The following CRB1 variants were observed in gnomAD, a reference collection of about 807,000 sequenced individuals.
CRB1 encodes crumbs cell polarity complex component 1, also known as protein crumbs homolog 1.
A neutral mutation model predicts 120.0 loss-of-function variants in CRB1; 83 were observed. The observed-to-expected ratio is 0.69, with a 90% CI of 0.58 to 0.83. The LOEUF is 0.83. Among genes scored for constraint, CRB1 ranks in the 40% least tolerant of loss-of-function variants. CRB1 has a pLI of 0.00. For missense variants in CRB1, 1,699 were observed against 1,687.6 expected (o/e 1.01, Z -0.12); for synonymous variants, 625 against 612.5 (o/e 1.02, Z -0.30).
chr1:197,407,325 T>C (rs1440441535), intron 5 of CRB1, among the ~76,000 whole-genome samples: 1 of 152,174 alleles, frequency 6.6e-6, no homozygotes, highest in African/African-American at 2.4e-5. Context: ...CAAATAGAAG[T>C]TTTAAAGAAA....
chr1:197,299,999 T>A (rs950118363), intron 1 of CRB1, among the ~76,000 whole-genome samples: 1 of 151,944 alleles, frequency 6.6e-6, no homozygotes, highest in African/African-American at 2.4e-5. Flanking sequence ...GATGTTCCTA[T>A]TGTAATTGTT....
At chr1:197,241,611 G>A in the CRB1 span, among the ~76,000 whole-genome samples, 3 of 151,952 alleles carry the variant, frequency 2.0e-5, no homozygotes, top group African/African-American at 2.4e-5. Context: ...TAGGCTTGTA[G>A]TATAGTTTGA....
At chr1:197,261,928 A>G in the CRB1 span, among the ~76,000 whole-genome samples, 1 of 152,216 alleles carries the variant, frequency 6.6e-6, no homozygotes, top group Non-Finnish European at 1.5e-5. Context: ...TAATGTGCAT[A>G]AAATAATCTA....
the CRB1 span, among the ~76,000 whole-genome samples, chr1:197,228,912 G>C: frequency 6.6e-6 from 1 of 152,130 alleles, no homozygotes; most frequent in African/African-American, 2.4e-5. Flanking sequence ...GTGCAAAAGC[G>C]GAAACCCCTG....
intron 1 of CRB1, among the ~76,000 whole-genome samples, chr1:197,293,359 C>A (rs1022219601): frequency 6.6e-6 from 1 of 151,884 alleles, no homozygotes; most frequent in Non-Finnish European, 1.5e-5. Context: ...TTACAAAGGA[C>A]GTGAAGGACC....
the CRB1 span, among the ~76,000 whole-genome samples, chr1:197,203,069 A>G: frequency 6.6e-6 from 1 of 152,142 alleles, no homozygotes; most frequent in African/African-American, 2.4e-5. Flanking sequence ...AGCATTTAAA[A>G]ATAAACGTGT....
chr1:197,341,390 A>T (rs1161189023), intron 2 of CRB1, among the ~76,000 whole-genome samples: 1 of 152,122 alleles, frequency 6.6e-6, no homozygotes, highest in East Asian at 1.9e-4. Context: ...AAAAAATACA[A>T]AAATTAGCCA....
At chr1:197,212,122 A>G in the CRB1 span, among the ~76,000 whole-genome samples, 8 of 152,198 alleles carry the variant, frequency 5.3e-5, no homozygotes, top group Admixed American at 5.2e-4. Flanking sequence ...AAAGACAAAC[A>G]ATATCAAGTG....
intron 1 of CRB1, among the ~76,000 whole-genome samples, chr1:197,312,774 T>A (rs2125275566): frequency 6.6e-6 from 1 of 152,244 alleles, no homozygotes; most frequent in East Asian, 1.9e-4. Flanking sequence ...ATATATCAAC[T>A]GCATTAATCC....
the CRB1 span, among the ~76,000 whole-genome samples, chr1:197,239,289 A>G: frequency 9.2e-5 from 14 of 152,192 alleles, no homozygotes; most frequent in South Asian, 2.7e-3. Context: ...TAATATTTGT[A>G]TCAAATTTTG....
intron 5 of CRB1, among the ~76,000 whole-genome samples, chr1:197,384,196 T>C (rs1265772285): frequency 6.6e-6 from 1 of 152,166 alleles, no homozygotes; most frequent in East Asian, 1.9e-4. Flanking sequence ...ACCATTCTCA[T>C]CATCCCAAAT....
intron 5 of CRB1, among the ~76,000 whole-genome samples, chr1:197,379,632 A>G (rs993933467): frequency 2.1e-4 from 29 of 138,832 alleles, no homozygotes; most frequent in African/African-American, 7.4e-4. Context: ...AAAAAAAACC[A>G]TTTTTCTAGC....
chr1:197,230,489 A>G, the CRB1 span, among the ~76,000 whole-genome samples: 1 of 152,160 alleles, frequency 6.6e-6, no homozygotes, highest in Admixed American at 6.5e-5. Context: ...CACCATGTAT[A>G]GGTCTTAAGA....
At position 197,421,445 on chromosome 1, in the gene CRB1, T is replaced by C; in HGVS notation, c.1617T>C (p.Ser539=). ...TGTTTGTGAAGCTGGAGCTGCTAAG[T>C]GGCTACATTCACTTATCAATTCAGG... ...RDVFVKLELL[S]GYIHLSIQVN... Residue 539 remains serine (S), a synonymous_variant, in exon 6 of 12, where the codon AGT becomes AGC. Coordinates refer to ENST00000367400, the MANE Select transcript of CRB1 (RefSeq NM_201253.3). 1.2e-6 allele frequency: 2 copies of C among 1,614,228 alleles called. No homozygotes were observed. Among genetic ancestry groups the C allele is most frequent in the Non-Finnish European group, 1.7e-6 (2 of 1,180,050 alleles).
In CRB1 at chr1:197,388,510, C is replaced by T. The variant is rs1662334667; in HGVS notation, c.1171+31497C>T. Among the ~76,000 whole-genome samples the T allele has an allele frequency of 2.6e-5, 4 of 152,166 alleles. No individual in the cohort carries two copies. In the South Asian group the frequency reaches 8.3e-4, roughly 32 times the overall value. On this transcript the variant is annotated intron_variant, in intron 5 of 11. Transcript: ENST00000367400. Reference sequence around the variant, plus strand: ...CTGGTCCAATGAAATAGAGCCACAGCACTTTTATTTAAATCTCTATTTCTC... The same window carrying T: ...CTGGTCCAATGAAATAGAGCCACAGTACTTTTATTTAAATCTCTATTTCTC...
intron 11 of CRB1, among the ~76,000 whole-genome samples, chr1:197,446,970 G>T (rs889771625): frequency 6.6e-6 from 1 of 152,144 alleles, no homozygotes; most frequent in African/African-American, 2.4e-5. Context: ...TCTATTGAGT[G>T]TTATATTCCA....
At chr1:197,245,959 C>T in the CRB1 span, among the ~76,000 whole-genome samples, 62 of 152,174 alleles carry the variant, frequency 4.1e-4, no homozygotes, top group South Asian at 0.012. Context: ...TCCTCACTGA[C>T]GTTGGTTGGG....
chr1:197,262,928 G>A, the CRB1 span, among the ~76,000 whole-genome samples: 1,783 of 152,124 alleles, frequency 0.012, 29 homozygotes, highest in Non-Finnish European at 0.017. Context: ...CCAATCCATC[G>A]TTGATGGGAC....
the CRB1 span, among the ~76,000 whole-genome samples, chr1:197,218,415 A>ATGAGTATGG: frequency 6.6e-6 from 1 of 152,214 alleles, no homozygotes; most frequent in Non-Finnish European, 1.5e-5. Flanking sequence ...ATTCTCATAT[A>ATGAGTATGG]TGAGTATGGA....
Sources: allele counts gnomAD v4.1 joint callset (sites outside exome capture counted in the v4.1 genomes callset), GRCh38; gene constraint gnomAD v4.1.1; transcripts MANE v1.5; gene names NCBI Gene and HGNC (gene_info 2026-07-23, HGNC 2026-07-21).